The following NR6A1 variants were observed in gnomAD, a reference collection of about 807,000 sequenced individuals.
The protein encoded by NR6A1 is nuclear receptor subfamily 6 group A member 1, also known as retinoic acid receptor-related testis-associated receptor.
A neutral mutation model predicts 59.1 loss-of-function variants in NR6A1; 7 were observed. That is an observed-to-expected ratio of 0.12 (90% CI 0.07 to 0.22). The LOEUF (loss-of-function observed/expected upper bound fraction) is 0.22. Ranked by LOEUF, NR6A1 falls within the 10% of genes least tolerant of loss-of-function variation. NR6A1 has a pLI of 1.00. For synonymous variants in NR6A1, 243 were observed against 236.1 expected, an observed-to-expected ratio of 1.03 and a Z score of -0.27; for missense variants, 468 against 611.6, an observed-to-expected ratio of 0.77 and a Z score of 2.48.
rs764581301 is a variant in NR6A1, at chr9:124,518,890, G to A, written c.*3815C>T. The A allele has an allele frequency of 7.9e-5, 12 of 151,928 alleles. No homozygotes were observed. The highest frequency in any genetic ancestry group is 1.6e-4 in the Non-Finnish European group (11 of 67,986). The allele number at this position is 151,928 out of a possible 1,614,324, so 9.4% of individuals were successfully genotyped here. A position where few individuals can be genotyped will look rare whatever the true frequency, so the allele number is the denominator to read the frequency against. ...ACAAGGAAAAAAGATACACACCAGG[G>A]GCCCAGAGAGGAGGGCCTGGAACCA... is the stretch of plus-strand genomic sequence containing the variant. On this transcript the variant is annotated 3_prime_UTR_variant, in exon 10 of 10. Coordinates refer to ENST00000487099, the MANE Select transcript of NR6A1 (RefSeq NM_033334.4).
intron 2 of NR6A1, among the ~76,000 whole-genome samples, chr9:124,598,142 C>G (rs927659512): frequency 6.6e-6 from 1 of 152,142 alleles, no homozygotes; most frequent in African/African-American, 2.4e-5. Flanking sequence ...AGCAACCACA[C>G]CCGGCCTAAA....
In NR6A1 at chr9:124,520,642, A is replaced by G. The variant is rs1430661299; in HGVS notation, c.*2063T>C. ...ATGCTGTACACAGGAGCTGTCTTAGAGAAGGCATCTGTGATATGTGTCTCC... is the reference window on the plus strand; with the variant it reads ...ATGCTGTACACAGGAGCTGTCTTAGGGAAGGCATCTGTGATATGTGTCTCC... On this transcript the variant is annotated 3_prime_UTR_variant, in exon 10 of 10. Transcript: ENST00000487099. 6.6e-6 allele frequency: 1 copy of G among 152,260 alleles called. No individual in the cohort carries two copies. Among genetic ancestry groups the G allele is most frequent in the Admixed American group, 6.5e-5 (1 of 15,290 alleles). The allele number at this position is 152,260 out of a possible 1,614,324, so 9.4% of individuals were successfully genotyped here.
At chr9:124,753,354 G>A (rs1009647978) in intron 1 of NR6A1, among the ~76,000 whole-genome samples, 2 of 151,704 alleles carry the variant, frequency 1.3e-5, no homozygotes, top group Middle Eastern at 6.3e-3. Context: ...TTCTACTTGT[G>A]GCAAATAATT....
chr9:124,643,109 G>T (rs886698661), intron 2 of NR6A1, among the ~76,000 whole-genome samples: 3 of 109,954 alleles, frequency 2.7e-5, no homozygotes, highest in Non-Finnish European at 3.6e-5. Flanking sequence ...GGTGGGGGGG[G>T]GGAACAAAAA....
intron 2 of NR6A1, among the ~76,000 whole-genome samples, chr9:124,579,782 G>A (rs1179788426): frequency 1.3e-5 from 2 of 152,108 alleles, no homozygotes; most frequent in Non-Finnish European, 2.9e-5. Context: ...AGGCTGAGGC[G>A]GGTGGATCAC....
chr9:124,599,497 C>A, intron 2 of NR6A1: 1 of 510,664 alleles, frequency 2.0e-6, no homozygotes, highest in Non-Finnish European at 3.8e-6. Context: ...AAACTACTGG[C>A]TTAAACTGAG....
intron 1 of NR6A1, among the ~76,000 whole-genome samples, chr9:124,761,588 T>A (rs1182344177): frequency 6.6e-6 from 1 of 152,146 alleles, no homozygotes. Flanking sequence ...TTTATTACCA[T>A]CTCAGTGAAA....
intron 2 of NR6A1, among the ~76,000 whole-genome samples, chr9:124,679,945 C>T (rs141388654): frequency 5.9e-5 from 9 of 151,462 alleles, no homozygotes; most frequent in South Asian, 2.1e-4. Context: ...GACCTAACAC[C>T]CACCAAAATT....
chr9:124,743,636 T>C lies in NR6A1; in HGVS notation c.101-10287A>G, dbSNP rs75452809. Among the ~76,000 whole-genome samples the C allele has an allele frequency of 4.7e-3, 709 of 152,338 alleles. 6 individuals carry two copies. The highest frequency in any genetic ancestry group is 0.016 in the African/African-American group (663 of 41,570). Reference sequence around the variant, plus strand: ...TGCAATTACAGCCTTGAAACCAGACTGAAGGCAGAAAAGCCAGCCCAAGAT... The same window carrying C: ...TGCAATTACAGCCTTGAAACCAGACCGAAGGCAGAAAAGCCAGCCCAAGAT... On this transcript the variant is annotated intron_variant, in intron 1 of 9. Transcript: ENST00000487099.
chr9:124,733,376 A>C (rs1263638010), intron 1 of NR6A1, 27 bp from the exon 2 acceptor site: 2 of 1,588,350 alleles, frequency 1.3e-6, no homozygotes, highest in African/African-American at 2.7e-5. Flanking sequence ...AGGAAAAAAA[A>C]TTACAATTTG....
intron 1 of NR6A1, among the ~76,000 whole-genome samples, chr9:124,737,716 A>T (rs941930740): frequency 6.6e-6 from 1 of 152,128 alleles, no homozygotes; most frequent in Non-Finnish European, 1.5e-5. Flanking sequence ...AAAGACAAAA[A>T]TTAGCCTGGC....
intron 2 of NR6A1, among the ~76,000 whole-genome samples, chr9:124,731,168 G>A (rs1221368517): frequency 6.6e-6 from 1 of 152,064 alleles, no homozygotes; most frequent in African/African-American, 2.4e-5. Context: ...TCAGGAGTTT[G>A]AGACAAACCT....
At chr9:124,760,427 G>T (rs1200416308) in intron 1 of NR6A1, among the ~76,000 whole-genome samples, 5 of 152,150 alleles carry the variant, frequency 3.3e-5, no homozygotes, top group Admixed American at 2.0e-4. Context: ...AATAAAAGTT[G>T]AATTCTGGGC....
chr9:124,746,460 G>A (rs1840337999), intron 1 of NR6A1, among the ~76,000 whole-genome samples: 2 of 152,008 alleles, frequency 1.3e-5, no homozygotes, highest in South Asian at 4.1e-4. Context: ...ATGGTGGTGG[G>A]CACCTATAAT....
intron 2 of NR6A1, among the ~76,000 whole-genome samples, chr9:124,671,780 T>C (rs1467350453): frequency 1.3e-5 from 2 of 152,254 alleles, no homozygotes; most frequent in African/African-American, 2.4e-5. Context: ...CTCAAACTTT[T>C]AAACCCAGTT....
In NR6A1 at chr9:124,536,012, A is replaced by G. The variant is rs1166010996; in HGVS notation, c.945T>C (p.Asp315=). 2 of 1,614,080 alleles carry G rather than the reference A, an allele frequency of 1.2e-6. No homozygotes were observed. Among genetic ancestry groups the G allele is most frequent in the Non-Finnish European group, 1.7e-6 (2 of 1,180,046 alleles). ...ACGTAGAGCTCAAGAGGCACGTGTA[A>G]TCCTTGATTGAGAGCTCGCAGAAGA... ...LPFFCELSIK[D]YTCLLSSTWQ... is the part of the protein sequence containing the mutation. The change falls in exon 7 of 10, where the codon GAT becomes GAC. Residue 315 remains aspartate (D), a synonymous_variant. Transcript: ENST00000487099.
chr9:124,577,582 G>A (rs143889312), intron 2 of NR6A1, among the ~76,000 whole-genome samples: 21 of 152,310 alleles, frequency 1.4e-4, no homozygotes, highest in Admixed American at 6.5e-4. Context: ...TGGAGAAACT[G>A]AGTCCAGAAA....
intron 2 of NR6A1, among the ~76,000 whole-genome samples, chr9:124,682,638 T>A (rs1283551246): frequency 6.6e-6 from 1 of 152,224 alleles, no homozygotes; most frequent in Non-Finnish European, 1.5e-5. Flanking sequence ...TTTTATTTAA[T>A]CTTTAAATGA....
rs556601163 is a variant in NR6A1, at chr9:124,709,909, G to A, written c.142+23399C>T. Among the ~76,000 whole-genome samples, 265 of 149,780 alleles carry A rather than the reference G, an allele frequency of 1.8e-3. 1 individual carries two copies. Among genetic ancestry groups the A allele is most frequent in the Non-Finnish European group, 3.2e-3 (220 of 67,728 alleles). On this transcript the variant is annotated intron_variant, in intron 2 of 9. Coordinates refer to ENST00000487099, the MANE Select transcript of NR6A1 (RefSeq NM_033334.4). ...TGCAGTGAGCCAAGATCATGCCACTGCACTCCAGCCTGAGCAACAAAGTGA... is the reference window on the plus strand; with the variant it reads ...TGCAGTGAGCCAAGATCATGCCACTACACTCCAGCCTGAGCAACAAAGTGA...
Sources: gnomAD v4.1 joint callset for allele counts (sites outside exome capture counted in the v4.1 genomes callset) on GRCh38, gnomAD v4.1.1 for gene constraint, MANE v1.5 for transcripts, NCBI Gene and HGNC (gene_info 2026-07-23, HGNC 2026-07-21) for gene names.